ZNF717: variants seen among roughly 807,000 people sequenced by gnomAD.
ZNF717 encodes krueppel-like factor X17.
ZNF717 carries 9 observed loss-of-function variants against 13.8 expected under a neutral mutation model. That is an observed-to-expected ratio of 0.65 (90% CI 0.39 to 1.14). The LOEUF (loss-of-function observed/expected upper bound fraction) is 1.14, where lower values mean the gene tolerates loss of function less well. Among genes scored for constraint, ZNF717 ranks in the 50% most tolerant of loss-of-function variants. The pLI is 0.01. For synonymous variants in ZNF717, 327 were observed against 364.1 expected (o/e 0.90, Z 1.16); for missense variants, 1,040 against 1,080.7 (o/e 0.96, Z 0.53).
intron 2 of ZNF717, among the ~76,000 whole-genome samples, chr3:75,748,756 G>C (rs1361968744): frequency 6.6e-6 from 1 of 152,192 alleles, no homozygotes; most frequent in Non-Finnish European, 1.5e-5. Context: ...GCAAAAACTG[G>C]AAGGATTCCC....
chr3:75,704,587 G>T (rs1247752413), intron 6 of ZNF717, among the ~76,000 whole-genome samples: 2 of 152,390 alleles, frequency 1.3e-5, no homozygotes, highest in Non-Finnish European at 2.9e-5. Flanking sequence ...AAGCTCACAG[G>T]GTTAGAGGCC....
intron 2 of ZNF717, among the ~76,000 whole-genome samples, chr3:75,770,815 C>T (rs201049540): frequency 6.6e-6 from 1 of 152,122 alleles, no homozygotes; most frequent in Non-Finnish European, 1.5e-5. Context: ...GATGGAAAGA[C>T]TAAAGAGGTC....
intron 4 of ZNF717, among the ~76,000 whole-genome samples, chr3:75,717,583 G>A (rs1226284238): frequency 6.6e-6 from 1 of 152,158 alleles, no homozygotes. Flanking sequence ...AGAGGGTCTT[G>A]ACATTGACTC....
At chr3:75,776,104 T>C (rs1405258948) in intron 2 of ZNF717, among the ~76,000 whole-genome samples, 4 of 152,256 alleles carry the variant, frequency 2.6e-5, no homozygotes, top group Non-Finnish European at 5.9e-5. Context: ...TTCAAGAGGA[T>C]GTAAGTCTAA....
At chr3:75,727,080 T>C (rs1324338332), downstream of ZNF717, among the ~76,000 whole-genome samples, 4 of 152,390 alleles carry the variant, frequency 2.6e-5, no homozygotes, top group Non-Finnish European at 5.9e-5. Flanking sequence ...GAAGATTTCA[T>C]GGACATTTAT....
chr3:75,762,923 G>A (rs1206739578), intron 2 of ZNF717, among the ~76,000 whole-genome samples: 1 of 152,174 alleles, frequency 6.6e-6, no homozygotes, highest in Non-Finnish European at 1.5e-5. Context: ...CCACAAGGAT[G>A]CCAAGACCAC....
downstream of ZNF717, among the ~76,000 whole-genome samples, chr3:75,727,592 C>T (rs1198548839): frequency 6.6e-6 from 1 of 152,226 alleles, no homozygotes; most frequent in Non-Finnish European, 1.5e-5. Flanking sequence ...CCCTGGTCTC[C>T]TGCAGTACCC....
chr3:75,710,687 T>C (rs1367354705), exon 6 of ZNF717: 1 of 152,214 alleles, frequency 6.6e-6, no homozygotes, highest in Admixed American at 6.5e-5. Context: ...ACAAGTTTAT[T>C]CTTTAAAATT....
At chr3:75,704,033 G>A (rs1389089277) in intron 6 of ZNF717, among the ~76,000 whole-genome samples, 3 of 152,306 alleles carry the variant, frequency 2.0e-5, no homozygotes, top group African/African-American at 7.2e-5. Context: ...TAATATTAAT[G>A]AGCTAGCTTA....
intron 1 of ZNF717, among the ~76,000 whole-genome samples, chr3:75,784,013 T>C (rs999101104): frequency 1.3e-5 from 2 of 152,202 alleles, no homozygotes; most frequent in Non-Finnish European, 2.9e-5. Flanking sequence ...GAATGGACAA[T>C]GGAAAATGTG....
At chr3:75,780,109 A>C (rs1944694842) in intron 2 of ZNF717, among the ~76,000 whole-genome samples, 1 of 151,706 alleles carries the variant, frequency 6.6e-6, no homozygotes, top group African/African-American at 2.4e-5. Flanking sequence ...CTAAGCCAGA[A>C]ACCCAAAACA....
intron 1 of ZNF717, among the ~76,000 whole-genome samples, chr3:75,784,293 GGTT>G (rs778976412): frequency 1.3e-5 from 2 of 152,138 alleles, no homozygotes; most frequent in East Asian, 3.8e-4. Flanking sequence ...ATAAAATGGT[GGTT>G]GTTTTTTATA....
downstream of ZNF717, among the ~76,000 whole-genome samples, chr3:75,725,250 T>TA (rs34520247): frequency 0.85 from 127,825 of 151,062 alleles, 52,908 homozygotes; most frequent in East Asian, 0.89. Context: ...GCTTCCAGAC[T>TA]ATATCTCTAA....
At chr3:75,716,598 A>AGCTCAAAGG (rs1407333981) in intron 4 of ZNF717, 1 of 152,228 alleles carries the variant, frequency 6.6e-6, no homozygotes, top group East Asian at 1.9e-4. Flanking sequence ...GAAAGCAAGG[A>AGCTCAAAGG]GCTCAAAGGG....
chr3:75,775,128 AT>A (rs113414485), intron 2 of ZNF717, among the ~76,000 whole-genome samples: 1 of 134,394 alleles, frequency 7.4e-6, no homozygotes, highest in African/African-American at 2.7e-5. Context: ...CACCAGGCTA[AT>A]TTTTTTTTAT....
intron 5 of ZNF717, among the ~76,000 whole-genome samples, chr3:75,713,958 A>C (rs1451581211): frequency 6.6e-6 from 1 of 152,096 alleles, no homozygotes; most frequent in Non-Finnish European, 1.5e-5. Flanking sequence ...TTGGCAGCTG[A>C]GGTGGGGAGA....
intron 2 of ZNF717, among the ~76,000 whole-genome samples, chr3:75,774,971 T>C (rs1313946461): frequency 1.3e-5 from 2 of 151,780 alleles, no homozygotes; most frequent in South Asian, 2.1e-4. Context: ...AATTACCTGT[T>C]TTGTTTTGAG....
In ZNF717 at chr3:75,775,277, T is replaced by C. The variant is rs180696728; in HGVS notation, c.57+8029A>G. 1.5e-4 allele frequency among the ~76,000 whole-genome samples: 23 copies of C among 152,376 alleles called. No homozygotes were observed. The East Asian group carries it at 4.2e-3, about 28-fold the overall frequency. Reference sequence around the variant, plus strand: ...CCACATCCACCCTAATTATGGTTATTAAGTTATTGTAGACCACACAAATAA... The same window carrying C: ...CCACATCCACCCTAATTATGGTTATCAAGTTATTGTAGACCACACAAATAA... On this transcript the variant is annotated intron_variant, in intron 2 of 4. Coordinates refer to ENST00000652011, the MANE Select transcript of ZNF717 (RefSeq NM_001290208.3).
At chr3:75,782,789 C>T (rs1309785723) in intron 2 of ZNF717, among the ~76,000 whole-genome samples, 3 of 146,924 alleles carry the variant, frequency 2.0e-5, no homozygotes, top group Non-Finnish European at 4.5e-5. Context: ...CACAACACAC[C>T]GTGCTTTAGC....
Sources: allele counts gnomAD v4.1 joint callset (sites outside exome capture counted in the v4.1 genomes callset), GRCh38; gene constraint gnomAD v4.1.1; transcripts MANE v1.5; gene names NCBI Gene and HGNC (gene_info 2026-07-23, HGNC 2026-07-21).